The following THRAP3 variants were observed in gnomAD, a reference collection of about 807,000 sequenced individuals.
The protein encoded by THRAP3 is thyroid hormone receptor associated protein 3, also known as thyroid hormone receptor-associated protein 3.
Under a neutral mutation model 101.0 loss-of-function variants are expected in THRAP3, and 16 were observed. That is an observed-to-expected ratio of 0.16 (90% confidence interval 0.11 to 0.24). THRAP3 has a LOEUF of 0.24. Ranked by LOEUF, THRAP3 falls within the 10% of genes least tolerant of loss-of-function variation. The pLI, the probability that THRAP3 is intolerant of heterozygous loss-of-function variation, is 1.00. For missense variants in THRAP3, 989 were observed against 1,202.7 expected (o/e 0.82, Z 2.63); for synonymous variants, 407 against 422.6 (o/e 0.96, Z 0.45).
chr1:36,290,609 G>A (rs1450836067), intron 5 of THRAP3, among the ~76,000 whole-genome samples: 2 of 152,102 alleles, frequency 1.3e-5, no homozygotes, highest in Non-Finnish European at 2.9e-5. Context: ...GGGATTACAC[G>A]CACCTGCCAC....
chr1:36,223,172 G>A (rs1445992857), upstream of THRAP3, among the ~76,000 whole-genome samples: 1 of 152,006 alleles, frequency 6.6e-6, no homozygotes, highest in African/African-American at 2.4e-5. Context: ...AAATTAGAAC[G>A]TTTTAAGAAG....
chr1:36,230,228 C>G (rs999857811), intron 1 of THRAP3, among the ~76,000 whole-genome samples: 9 of 152,072 alleles, frequency 5.9e-5, no homozygotes, highest in Non-Finnish European at 1.0e-4. Flanking sequence ...AAGCGATTCT[C>G]CTGCCTCAGC....
At chr1:36,245,866 AT>A (rs1182247901) in intron 1 of THRAP3, among the ~76,000 whole-genome samples, 1 of 152,082 alleles carries the variant, frequency 6.6e-6, no homozygotes, top group Non-Finnish European at 1.5e-5. Flanking sequence ...AAAATCACGT[AT>A]TTTTCAGTCA....
At chr1:36,262,376 A>T (rs528157370) in intron 2 of THRAP3, among the ~76,000 whole-genome samples, 1 of 152,264 alleles carries the variant, frequency 6.6e-6, no homozygotes, top group Non-Finnish European at 1.5e-5. Flanking sequence ...ATGGCCTGCC[A>T]CATTCCAAAC....
intron 3 of THRAP3, among the ~76,000 whole-genome samples, chr1:36,285,967 G>A (rs1367738300): frequency 1.3e-5 from 2 of 152,148 alleles, no homozygotes; most frequent in Non-Finnish European, 2.9e-5. Context: ...ACAGCTCACA[G>A]TTTTTCTCTC....
chr1:36,208,432 G>T, the THRAP3 span, among the ~76,000 whole-genome samples: 1 of 151,812 alleles, frequency 6.6e-6, no homozygotes, highest in African/African-American at 2.4e-5. Context: ...CCGGCTGTTT[G>T]ACCTCACCTC....
At chr1:36,223,413 C>T (rs1644919309), upstream of THRAP3, among the ~76,000 whole-genome samples, 3 of 152,274 alleles carry the variant, frequency 2.0e-5, no homozygotes, top group South Asian at 4.1e-4. Flanking sequence ...AAACTGATCT[C>T]GGCTCTCAAA....
chr1:36,230,575 A>G (rs551216964), intron 1 of THRAP3, among the ~76,000 whole-genome samples: 1 of 152,266 alleles, frequency 6.6e-6, no homozygotes, highest in East Asian at 1.9e-4. Context: ...GAAAAGGAGC[A>G]TTTTAAGTGT....
At chr1:36,257,159 G>A (rs1417656313) in intron 1 of THRAP3, among the ~76,000 whole-genome samples, 2 of 151,946 alleles carry the variant, frequency 1.3e-5, no homozygotes, top group African/African-American at 4.8e-5. Context: ...TCCTCCCCAG[G>A]GTCTTTGCAT....
intron 1 of THRAP3, among the ~76,000 whole-genome samples, chr1:36,238,240 A>G (rs1645114516): frequency 6.6e-6 from 1 of 152,054 alleles, no homozygotes; most frequent in Non-Finnish European, 1.5e-5. Context: ...GAGTGCTAGG[A>G]TTATATGGGT....
At chr1:36,207,899 T>G in the THRAP3 span, among the ~76,000 whole-genome samples, 1 of 152,234 alleles carries the variant, frequency 6.6e-6, no homozygotes, top group South Asian at 2.1e-4. Context: ...TTCAAGCGAT[T>G]CTCCTGCCTC....
intron 4 of THRAP3, 84 bp from the exon 5 acceptor site, chr1:36,288,976 C>A: frequency 1.4e-6 from 2 of 1,391,276 alleles, no homozygotes; most frequent in East Asian, 2.6e-5. Flanking sequence ...TTCAGAGAAT[C>A]AAAAACCAAA....
chr1:36,218,989 C>T, the THRAP3 span, among the ~76,000 whole-genome samples: 3 of 142,550 alleles, frequency 2.1e-5, no homozygotes, highest in African/African-American at 8.0e-5. Flanking sequence ...GCTGAGATCA[C>T]GCCACTGCAC....
At chr1:36,224,677 C>A (rs1233588759) in intron 1 of THRAP3, among the ~76,000 whole-genome samples, 172 bp downstream of exon 1, 1 of 152,186 alleles carries the variant, frequency 6.6e-6, no homozygotes, top group Non-Finnish European at 1.5e-5. Context: ...CCCTCCGGCT[C>A]CTCCCCTTCC....
chr1:36,227,777 C>T (rs1644978580), intron 1 of THRAP3, among the ~76,000 whole-genome samples: 1 of 152,158 alleles, frequency 6.6e-6, no homozygotes, highest in Non-Finnish European at 1.5e-5. Flanking sequence ...TTAATAGTCT[C>T]TGTAGGCTGC....
intron 2 of THRAP3, among the ~76,000 whole-genome samples, chr1:36,271,219 A>G (rs1645586613): frequency 6.6e-6 from 1 of 152,236 alleles, no homozygotes; most frequent in Non-Finnish European, 1.5e-5. Flanking sequence ...CACAGAATTC[A>G]GTATTTAAAG....
At chr1:36,238,734 C>G (rs1460898655) in intron 1 of THRAP3, among the ~76,000 whole-genome samples, 1 of 151,996 alleles carries the variant, frequency 6.6e-6, no homozygotes, top group Non-Finnish European at 1.5e-5. Flanking sequence ...GAGACAAGGT[C>G]TTATTTCATT....
chr1:36,225,357 T>C, intron 1 of THRAP3: 1 of 152,182 alleles, frequency 6.6e-6, no homozygotes, highest in East Asian at 1.9e-4. Flanking sequence ...AACAGAAGTA[T>C]CCTGAACCAG....
the THRAP3 span, among the ~76,000 whole-genome samples, chr1:36,211,846 T>C: frequency 2.0e-5 from 3 of 152,258 alleles, no homozygotes; most frequent in Admixed American, 1.3e-4. Context: ...CCTTCAAGCA[T>C]AGAGGGTCAG....
Sources: allele counts gnomAD v4.1 joint callset (sites outside exome capture counted in the v4.1 genomes callset), GRCh38; gene constraint gnomAD v4.1.1; transcripts MANE v1.5; gene names NCBI Gene and HGNC (gene_info 2026-07-23, HGNC 2026-07-21).